TANK: variants seen among roughly 807,000 people sequenced by gnomAD.
TANK encodes the protein TRAF family member-associated NF-kappa-B activator.
TANK carries 15 observed loss-of-function variants against 43.6 expected under a neutral mutation model. The observed-to-expected ratio is 0.34, with a 90% CI of 0.23 to 0.53. The LOEUF (loss-of-function observed/expected upper bound fraction) is 0.53. TANK is among the 20% of genes least tolerant of loss of function. The pLI is 0.94. For missense variants in TANK, 417 were observed against 498.6 expected (o/e 0.84, Z 1.56); for synonymous variants, 162 against 178.2 (o/e 0.91, Z 0.73).
intron 4 of TANK, chr2:161,207,696 C>T (rs985679035): frequency 7.1e-6 from 7 of 985,098 alleles, no homozygotes; most frequent in Non-Finnish European, 8.4e-6. Flanking sequence ...TTGATCTATA[C>T]TTAGTGAGTT....
chr2:161,231,042 G>A lies in TANK; in HGVS notation c.592G>A (p.Ala198Thr). ...ACAAGAAGCGCTGTTTAAGCCTCAGGCTAAAGATGATATAAATAGAGGTGC... is the reference window on the plus strand; with the variant it reads ...ACAAGAAGCGCTGTTTAAGCCTCAGACTAAAGATGATATAAATAGAGGTGC... The part of the protein sequence containing the change: ...DKQEALFKPQ[A>T]KDDINRGAPS... The change falls in exon 7 of 8, where the codon GCT becomes ACT. Residue 198 changes from alanine (A) to threonine (T), a missense_variant. Transcript: ENST00000392749. 1 of 1,614,078 alleles carries A rather than the reference G, an allele frequency of 6.2e-7. No individual in the cohort carries two copies. The highest frequency in any genetic ancestry group is 8.5e-7 in the Non-Finnish European group (1 of 1,180,006).
intron 2 of TANK, chr2:161,200,384 G>A (rs1338396451): frequency 2.0e-6 from 2 of 983,642 alleles, no homozygotes; most frequent in Non-Finnish European, 2.4e-6. Context: ...AGGCAGATAT[G>A]TTCTGTGAAC....
chr2:161,228,575 G>A (rs1015693608), intron 6 of TANK, among the ~76,000 whole-genome samples: 1 of 152,108 alleles, frequency 6.6e-6, no homozygotes, highest in Admixed American at 6.5e-5. Context: ...GACATTGTAG[G>A]TAGCTGTTGT....
chr2:161,201,883 C>CTTCAGGTAGACCTACATGATTCA (rs1553489572), intron 2 of TANK, among the ~76,000 whole-genome samples: 2 of 152,178 alleles, frequency 1.3e-5, no homozygotes, highest in Non-Finnish European at 2.9e-5. Flanking sequence ...TGGACATGCA[C>CTTCAGGTAGACCTACATGATTCA]TTCAGGTAGA....
At chr2:161,227,871 A>G (rs968740447) in intron 6 of TANK, among the ~76,000 whole-genome samples, 1 of 152,212 alleles carries the variant, frequency 6.6e-6, no homozygotes, top group African/African-American at 2.4e-5. Context: ...TGACTACTCG[A>G]GAGTTAATGG....
intron 4 of TANK, among the ~76,000 whole-genome samples, chr2:161,208,317 C>T (rs1686735899): frequency 6.6e-6 from 1 of 151,992 alleles, no homozygotes. Flanking sequence ...GTTATTCCTA[C>T]ACAAAAAGAA....
At chr2:161,218,244 T>C (rs1687203835) in intron 4 of TANK, among the ~76,000 whole-genome samples, 1 of 152,184 alleles carries the variant, frequency 6.6e-6, no homozygotes, top group South Asian at 2.1e-4. Context: ...TGTAACTGCT[T>C]CTCAGTGATA....
At chr2:161,204,554 A>G (rs535853783) in intron 3 of TANK, 121 bp from the exon 4 acceptor site, 1 of 916,286 alleles carries the variant, frequency 1.1e-6, no homozygotes. Flanking sequence ...AGAATTTTCT[A>G]AAACTCCTAC....
intron 1 of TANK, among the ~76,000 whole-genome samples, chr2:161,174,927 C>T (rs1391321079): frequency 6.6e-6 from 1 of 152,034 alleles, no homozygotes; most frequent in East Asian, 1.9e-4. Flanking sequence ...CAGTGGGAAA[C>T]CTGTTTGAAA....
intron 2 of TANK, among the ~76,000 whole-genome samples, chr2:161,184,979 T>A (rs1307741299): frequency 6.6e-6 from 1 of 152,040 alleles, no homozygotes; most frequent in Non-Finnish European, 1.5e-5. Flanking sequence ...GTTGAAAGAA[T>A]ATTTGAAGGA....
At position 161,231,496 on chromosome 2, in the gene TANK, A is replaced by T; in HGVS notation, c.1046A>T (p.Asp349Val). The T allele has an allele frequency of 6.2e-7, 1 of 1,613,714 alleles. No individual in the cohort carries two copies. Among genetic ancestry groups the T allele is most frequent in the South Asian group, 1.1e-5 (1 of 91,086 alleles). ...VNSFPLLDPS[D>V]APFPSLDSPG... is the part of the protein sequence containing the mutation. The stretch of plus-strand genomic sequence containing the variant: ...AGCTTCCCACTTCTGGACCCATCTG[A>T]TGCACCTTTTCCCTCACTCGATTCC... Residue 349 changes from aspartate (D) to valine (V), a missense_variant, in exon 7 of 8, where the codon GAT (aspartate) becomes GTT (valine). Transcript: ENST00000392749.
intron 2 of TANK, among the ~76,000 whole-genome samples, chr2:161,200,038 G>C (rs772344804): frequency 5.9e-5 from 9 of 152,234 alleles, no homozygotes; most frequent in Non-Finnish European, 1.3e-4. Context: ...ATCTTGGCCA[G>C]ATGGTGTTTG....
chr2:161,224,581 A>C (rs755871744), intron 5 of TANK, 50 bp from the exon 6 acceptor site: 10 of 839,600 alleles, frequency 1.2e-5, no homozygotes, highest in Admixed American at 2.9e-5. Flanking sequence ...TTATTTAAAA[A>C]ACTTGGAAGT....
chr2:161,208,128 G>A (rs1574038647), intron 4 of TANK: 1 of 979,234 alleles, frequency 1.0e-6, no homozygotes, highest in Non-Finnish European at 1.2e-6. Context: ...TTAGGATTTT[G>A]TTTTGTCAGG....
In TANK at chr2:161,213,504, G is replaced by A. The variant is rs1686983932; in HGVS notation, c.327+8711G>A. Among the ~76,000 whole-genome samples the A allele has an allele frequency of 4.0e-5, 6 of 151,728 alleles. No individual in the cohort carries two copies. The South Asian group carries it at 1.3e-3, about 32-fold the overall frequency. ...TGTAATCCCAGCTACTCTGGAGGCT[G>A]AGGCAGGAGAATCGCTTGAACCTAG... is the stretch of plus-strand genomic sequence containing the variant. On this transcript the variant is annotated intron_variant, in intron 4 of 7. Transcript: ENST00000392749.
At chr2:161,165,628 C>T (rs1043340596) in intron 1 of TANK, among the ~76,000 whole-genome samples, 24 of 152,214 alleles carry the variant, frequency 1.6e-4, no homozygotes, top group African/African-American at 5.8e-4. Flanking sequence ...AGTCCTACTC[C>T]TCCTCTACAC....
At chr2:161,199,726 T>C (rs1268823879) in intron 2 of TANK, among the ~76,000 whole-genome samples, 1 of 152,158 alleles carries the variant, frequency 6.6e-6, no homozygotes, top group Non-Finnish European at 1.5e-5. Context: ...AGTTTTACTT[T>C]TGAACACTAA....
chr2:161,161,601 A>T (rs1428493263), intron 1 of TANK: 1 of 1,015,176 alleles, frequency 9.9e-7, no homozygotes. Context: ...TTGCTTTCTT[A>T]TGAAAATGAG....
intron 1 of TANK, among the ~76,000 whole-genome samples, chr2:161,168,976 G>T (rs1444907443): frequency 1.3e-5 from 2 of 152,116 alleles, no homozygotes; most frequent in Non-Finnish European, 2.9e-5. Context: ...TAAGTCAGAG[G>T]GTAAAGATAT....
Sources: allele counts gnomAD v4.1 joint callset (sites outside exome capture counted in the v4.1 genomes callset), GRCh38; gene constraint gnomAD v4.1.1; transcripts MANE v1.5; gene names NCBI Gene and HGNC (gene_info 2026-07-23, HGNC 2026-07-21).